SDCBP: variants seen among roughly 807,000 people sequenced by gnomAD.
The protein encoded by SDCBP is syntenin-1.
SDCBP carries 22 observed loss-of-function variants against 30.5 expected under a neutral mutation model. That is an observed-to-expected ratio of 0.72 (90% CI 0.52 to 1.03). SDCBP has a LOEUF of 1.03. Ranked by LOEUF, SDCBP falls within the 50% of genes least tolerant of loss-of-function variation. The pLI, the probability that SDCBP is intolerant of heterozygous loss-of-function variation, is 0.00. For synonymous variants in SDCBP, 103 were observed against 118.7 expected (o/e 0.87, Z 0.86); for missense variants, 304 against 369.9 (o/e 0.82, Z 1.46).
chr8:58,567,685 T>C (rs1329309767), intron 2 of SDCBP, among the ~76,000 whole-genome samples: 4 of 152,216 alleles, frequency 2.6e-5, no homozygotes, highest in Non-Finnish European at 4.4e-5. Flanking sequence ...TTATAGAGTG[T>C]ACTTCCACAA....
intron 1 of SDCBP, among the ~76,000 whole-genome samples, chr8:58,557,805 A>G (rs2129607283): frequency 6.6e-6 from 1 of 152,280 alleles, no homozygotes; most frequent in East Asian, 1.9e-4. Flanking sequence ...TGGGAGTTTT[A>G]TCTTCTTAGT....
rs777975442 is a variant in SDCBP at position 58,575,888 on chromosome 8, T to C, written c.241-12T>C. 3 of 1,603,724 alleles carry C rather than the reference T, an allele frequency of 1.9e-6. No individual in the cohort carries two copies. The highest frequency in any genetic ancestry group is 2.7e-5 in the African/African-American group (2 of 74,698). On this transcript the variant is annotated splice_polypyrimidine_tract_variant and intron_variant, in intron 4 of 8. Coordinates refer to ENST00000260130, the MANE Select transcript of SDCBP (RefSeq NM_005625.4). ...TTTCTAGATATTGACACATTGTATA[T>C]GGTTTTGTCAGCAGTTGGTAGCAAG...
At chr8:58,575,622 T>C (rs1424199385) in intron 4 of SDCBP, among the ~76,000 whole-genome samples, 4 of 152,160 alleles carry the variant, frequency 2.6e-5, no homozygotes, top group South Asian at 2.1e-4. Context: ...AAATTTGAGA[T>C]GAAGACAAGC....
At chr8:58,569,071 C>T (rs1804873634) in intron 2 of SDCBP, among the ~76,000 whole-genome samples, 1 of 152,036 alleles carries the variant, frequency 6.6e-6, no homozygotes, top group South Asian at 2.1e-4. Context: ...AAAACGGAGT[C>T]TGGCTCTGTC....
intron 2 of SDCBP, among the ~76,000 whole-genome samples, chr8:58,567,754 T>C (rs1278140434): frequency 1.3e-5 from 2 of 152,202 alleles, no homozygotes; most frequent in African/African-American, 4.8e-5. Context: ...GTTGTTCCTA[T>C]GCTACAAACC....
chr8:58,568,808 T>C (rs1433434084), intron 2 of SDCBP, among the ~76,000 whole-genome samples: 3 of 152,188 alleles, frequency 2.0e-5, no homozygotes, highest in Admixed American at 2.0e-4. Flanking sequence ...ACAGAATAGG[T>C]TCACTGCTCG....
chr8:58,564,224 G>C (rs530736437), intron 1 of SDCBP, among the ~76,000 whole-genome samples: 49 of 152,242 alleles, frequency 3.2e-4, no homozygotes, highest in Middle Eastern at 3.4e-3. Context: ...ATTGATACCT[G>C]AATCAAGAAT....
rs761960405 is a variant in SDCBP, at chr8:58,578,115, A to C, written c.485A>C (p.Asn162Thr). The C allele has an allele frequency of 1.2e-6, 2 of 1,614,010 alleles. No individual in the cohort carries two copies. Among genetic ancestry groups the C allele is most frequent in the Non-Finnish European group, 1.7e-6 (2 of 1,179,934 alleles). ...LRFGDQVLQI[N>T]GENCAGWSSD... is the part of the protein sequence containing the mutation. ...TTTGGGGACCAAGTACTTCAGATCA[A>C]TGGTGAAAACTGTGCAGGATGGAGC... Residue 162 changes from asparagine to threonine, a missense_variant, in exon 6 of 9, where the codon AAT (asparagine) becomes ACT (threonine). By Grantham distance (65) the Asn-to-Thr change is moderately conservative. Coordinates refer to ENST00000260130, the MANE Select transcript of SDCBP (RefSeq NM_005625.4).
chr8:58,573,137 G>C (rs10099240), intron 4 of SDCBP, among the ~76,000 whole-genome samples: 50,747 of 151,794 alleles, frequency 0.33, 8,678 homozygotes, highest in East Asian at 0.55. Flanking sequence ...CATTCTTTTT[G>C]AAATTCAAAG....
intron 2 of SDCBP, among the ~76,000 whole-genome samples, chr8:58,566,909 T>C (rs1044355509): frequency 6.6e-6 from 1 of 152,212 alleles, no homozygotes; most frequent in African/African-American, 2.4e-5. Context: ...TCCCTAGACC[T>C]TTTTCTCTCC....
At chr8:58,575,483 A>C (rs1320642856) in intron 4 of SDCBP, among the ~76,000 whole-genome samples, 1 of 152,226 alleles carries the variant, frequency 6.6e-6, no homozygotes, top group Non-Finnish European at 1.5e-5. Flanking sequence ...CCTGTCAGTA[A>C]CAGTGAGGTA....
intron 6 of SDCBP, among the ~76,000 whole-genome samples, chr8:58,579,111 G>A (rs1805522393): frequency 6.6e-6 from 1 of 152,078 alleles, no homozygotes; most frequent in African/African-American, 2.4e-5. Flanking sequence ...AGGGGCTTGA[G>A]GAACTTAAGT....
chr8:58,574,750 A>G (rs1174194385), intron 4 of SDCBP, among the ~76,000 whole-genome samples: 2 of 152,168 alleles, frequency 1.3e-5, no homozygotes, highest in African/African-American at 4.8e-5. Context: ...TCAACTGTAT[A>G]TATCAATACA....
chr8:58,572,269 A>C lies in SDCBP; in HGVS notation c.195A>C (p.Glu65Asp). ...TGGGGCTGAGTTTAAATGAAGAAGAAATACGTGCAAATGTGGCCGTGGTTT... is the reference window on the plus strand; with the variant it reads ...TGGGGCTGAGTTTAAATGAAGAAGACATACGTGCAAATGTGGCCGTGGTTT... ...QYMGLSLNEE[E>D]IRANVAVVSG... The change falls in exon 4 of 9, where the codon GAA (glutamate) becomes GAC (aspartate). Residue 65 changes from glutamate (E) to aspartate (D), a missense_variant. Transcript: ENST00000260130. The C allele has an allele frequency of 6.2e-7, 1 of 1,612,654 alleles. No individual in the cohort carries two copies. Among genetic ancestry groups the C allele is most frequent in the Non-Finnish European group, 8.5e-7 (1 of 1,179,754 alleles).
intron 1 of SDCBP, among the ~76,000 whole-genome samples, chr8:58,555,544 C>T (rs1481174964): frequency 6.6e-6 from 1 of 152,140 alleles, no homozygotes; most frequent in Non-Finnish European, 1.5e-5. Flanking sequence ...TTCCTAAGTC[C>T]TTCCGTGAAA....
chr8:58,571,703 G>A (rs1805034700), intron 3 of SDCBP, among the ~76,000 whole-genome samples: 1 of 152,108 alleles, frequency 6.6e-6, no homozygotes, highest in Admixed American at 6.5e-5. Flanking sequence ...ATTGGAATGT[G>A]GTTAAAATTA....
chr8:58,574,111 C>T (rs1457324894), intron 4 of SDCBP, among the ~76,000 whole-genome samples: 1 of 151,830 alleles, frequency 6.6e-6, no homozygotes, highest in Non-Finnish European at 1.5e-5. Context: ...AGCCATGTAC[C>T]CTTCAATATA....
rs756356318 is a variant in SDCBP, at chr8:58,572,322, T to C, written c.240+8T>C. ...GGTGCACCACTTCAGGGGGTATGTATAGTGTAATTAATTTTGATTTATATA... is the reference window on the plus strand; with the variant it reads ...GGTGCACCACTTCAGGGGGTATGTACAGTGTAATTAATTTTGATTTATATA... On this transcript the variant is annotated splice_region_variant and intron_variant, in intron 4 of 8. Transcript: ENST00000260130. 1 of 1,527,590 alleles carries C rather than the reference T, an allele frequency of 6.5e-7. No homozygotes were observed. Among genetic ancestry groups the C allele is most frequent in the African/African-American group, 1.4e-5 (1 of 73,306 alleles). The allele number at this position is 1,527,590 out of a possible 1,614,324, so 94.6% of individuals were successfully genotyped here.
chr8:58,582,517 G>A lies in SDCBP; in HGVS notation c.*777G>A, dbSNP rs1426783709. ...GAGATTTTTTAGTCAACACATAATG[G>A]AAACTTCTTTCTTCTAAAAGTTGCC... On this transcript the variant is annotated 3_prime_UTR_variant, in exon 9 of 9. Transcript: ENST00000260130. The A allele has an allele frequency of 6.6e-6, 1 of 152,572 alleles. No individual in the cohort carries two copies. The highest frequency in any genetic ancestry group is 1.5e-5 in the Non-Finnish European group (1 of 68,028). 9.5% of individuals were successfully genotyped at this position (152,572 alleles called of 1,614,324 possible). A position where few individuals can be genotyped will look rare whatever the true frequency, so the allele number is the denominator to read the frequency against.
Sources: gnomAD v4.1 joint callset for allele counts (sites outside exome capture counted in the v4.1 genomes callset) on GRCh38, gnomAD v4.1.1 for gene constraint, MANE v1.5 for transcripts, NCBI Gene and HGNC (gene_info 2026-07-23, HGNC 2026-07-21) for gene names.